DCC: variants seen among roughly 807,000 people sequenced by gnomAD.
DCC encodes the protein netrin receptor DCC.
DCC carries 58 observed loss-of-function variants against 172.5 expected under a neutral mutation model. The ratio of observed to expected loss-of-function variants is 0.34; its 90% CI spans 0.27 to 0.42. DCC has a LOEUF of 0.42. Ranked by LOEUF, DCC falls within the 10% of genes least tolerant of loss-of-function variation. The probability of loss-of-function intolerance (pLI) is 1.00; values close to 1 mark genes in which losing one functional copy is unlikely to be tolerated. For synonymous variants in DCC, 709 were observed against 644.5 expected (o/e 1.10, Z -1.52); for missense variants, 1,740 against 1,791.0 (o/e 0.97, Z 0.51).
chr18:52,632,475 A>G (rs11872911), intron 1 of DCC, among the ~76,000 whole-genome samples: 19,354 of 152,208 alleles, frequency 0.13, 1,347 homozygotes, highest in Middle Eastern at 0.22. Context: ...CCACTGGGAT[A>G]CCAGCAAAAT....
intron 2 of DCC, among the ~76,000 whole-genome samples, chr18:52,896,788 A>AG (rs557025880): frequency 6.8e-4 from 103 of 152,276 alleles, no homozygotes; most frequent in African/African-American, 2.2e-3. Flanking sequence ...AATCAAGAGG[A>AG]GCAGGACTGT....
At chr18:52,836,293 C>T (rs2038703664) in intron 2 of DCC, among the ~76,000 whole-genome samples, 1 of 152,174 alleles carries the variant, frequency 6.6e-6, no homozygotes, top group South Asian at 2.1e-4. Context: ...TTCATGTCCT[C>T]ACAATTCAAA....
chr18:53,409,662 T>C (rs1240591121), intron 19 of DCC, among the ~76,000 whole-genome samples: 1 of 152,176 alleles, frequency 6.6e-6, no homozygotes, highest in African/African-American at 2.4e-5. Flanking sequence ...GGGTGCATAT[T>C]AGACTATCAT....
intron 1 of DCC, among the ~76,000 whole-genome samples, chr18:52,445,030 T>C (rs988005281): frequency 6.6e-6 from 1 of 152,146 alleles, no homozygotes; most frequent in African/African-American, 2.4e-5. Context: ...TTTTCTTTTT[T>C]AACAGTCTAG....
At chr18:52,934,927 TAAGA>T (rs1368487151) in intron 5 of DCC, 1 of 152,154 alleles carries the variant, frequency 6.6e-6, no homozygotes, top group Non-Finnish European at 1.5e-5. Context: ...TCCAGAGCTA[TAAGA>T]AAGTACATTT....
intron 2 of DCC, among the ~76,000 whole-genome samples, chr18:52,761,030 T>C (rs1488200893): frequency 6.6e-6 from 1 of 152,206 alleles, no homozygotes; most frequent in Non-Finnish European, 1.5e-5. Flanking sequence ...GTCTAATACA[T>C]TGGTCATTGT....
intron 5 of DCC, among the ~76,000 whole-genome samples, chr18:52,926,087 CT>C (rs1382539854): frequency 6.6e-6 from 1 of 151,714 alleles, no homozygotes; most frequent in East Asian, 1.9e-4. Context: ...ATTTCAGTTG[CT>C]TTTTTTCTGT....
intron 1 of DCC, among the ~76,000 whole-genome samples, chr18:52,500,208 C>T (rs767595482): frequency 3.3e-5 from 5 of 151,934 alleles, no homozygotes; most frequent in Non-Finnish European, 7.4e-5. Context: ...CTGGTTGCAC[C>T]CTATATTTCC....
intron 24 of DCC, among the ~76,000 whole-genome samples, chr18:53,460,471 C>A (rs1484407431): frequency 1.6e-5 from 2 of 129,020 alleles, no homozygotes; most frequent in South Asian, 2.9e-4. Context: ...GTGATGTTCC[C>A]CTTCCTGTGT....
chr18:53,242,856 C>T (rs1326847787), intron 12 of DCC, among the ~76,000 whole-genome samples: 1 of 147,886 alleles, frequency 6.8e-6, no homozygotes, highest in African/African-American at 2.5e-5. Context: ...GTGTCCAGAC[C>T]TATGATGACA....
At chr18:52,376,309 T>G (rs1343586229) in intron 1 of DCC, among the ~76,000 whole-genome samples, 1 of 152,174 alleles carries the variant, frequency 6.6e-6, no homozygotes, top group African/African-American at 2.4e-5. Context: ...TATGAAGACA[T>G]GAAGTAATCC....
chr18:53,079,501 T>C (rs2042769056), intron 7 of DCC, among the ~76,000 whole-genome samples: 1 of 152,176 alleles, frequency 6.6e-6, no homozygotes, highest in Admixed American at 6.6e-5. Context: ...TGTAGTTACT[T>C]TGCACATGAA....
chr18:52,812,319 C>G (rs1568119733), intron 2 of DCC, among the ~76,000 whole-genome samples: 1 of 151,878 alleles, frequency 6.6e-6, no homozygotes, highest in Non-Finnish European at 1.5e-5. Context: ...TGATCAATGT[C>G]TATGCCTTGC....
At chr18:53,502,223 C>T (rs1443717696) in intron 27 of DCC, among the ~76,000 whole-genome samples, 2 of 152,104 alleles carry the variant, frequency 1.3e-5, no homozygotes, top group African/African-American at 4.8e-5. Flanking sequence ...TATAGCTCCT[C>T]TTTAAATGCC....
chr18:52,420,075 A>G (rs1471413803), intron 1 of DCC, among the ~76,000 whole-genome samples: 1 of 152,110 alleles, frequency 6.6e-6, no homozygotes, highest in African/African-American at 2.4e-5. Context: ...ACAAAGTTGT[A>G]TTTTTCCAAA....
intron 1 of DCC, among the ~76,000 whole-genome samples, chr18:52,618,530 A>G (rs2034424689): frequency 6.6e-6 from 1 of 152,138 alleles, no homozygotes; most frequent in Non-Finnish European, 1.5e-5. Context: ...AATATTATAA[A>G]AGTGCTTTTA....
rs371714063 is a variant in DCC, at chr18:52,370,603, C to T, written c.91+29725C>T. 2.8e-3 allele frequency among the ~76,000 whole-genome samples: 427 copies of T among 152,158 alleles called. 2 individuals carry two copies. Among genetic ancestry groups the T allele is most frequent in the African/African-American group, 9.7e-3 (402 of 41,520 alleles). On this transcript the variant is annotated intron_variant, in intron 1 of 28. Transcript: ENST00000442544. ...GGAAAACATCAGGAAGAATAGCTAA[C>T]GGATGCTGGGCTTAATACCTAGATG...
At chr18:52,977,226 T>TTC (rs1160008625) in intron 5 of DCC, among the ~76,000 whole-genome samples, 4 of 152,170 alleles carry the variant, frequency 2.6e-5, no homozygotes, top group African/African-American at 9.7e-5. Context: ...ATGAAGTGTC[T>TTC]TATAATGTGC....
At chr18:52,947,429 C>A (rs1252055502) in intron 5 of DCC, among the ~76,000 whole-genome samples, 1 of 152,106 alleles carries the variant, frequency 6.6e-6, no homozygotes, top group Admixed American at 6.5e-5. Flanking sequence ...ATATCCATGA[C>A]TACGAAATTC....
Sources: gnomAD v4.1 joint callset for allele counts (sites outside exome capture counted in the v4.1 genomes callset) on GRCh38, gnomAD v4.1.1 for gene constraint, MANE v1.5 for transcripts, NCBI Gene and HGNC (gene_info 2026-07-23, HGNC 2026-07-21) for gene names.